Variants in TENM2 observed in about 807,000 individuals in gnomAD.
The protein encoded by TENM2 is teneurin-2.
A neutral mutation model predicts 245.2 loss-of-function variants in TENM2; 52 were observed. The observed-to-expected ratio is 0.21, with a 90% confidence interval of 0.17 to 0.27. The LOEUF (loss-of-function observed/expected upper bound fraction) is 0.27. Ranked by LOEUF, TENM2 falls within the 10% of genes least tolerant of loss-of-function variation. The pLI is 1.00. For synonymous variants in TENM2, 1,363 were observed against 1,438.9 expected (o/e 0.95, Z 1.19); for missense variants, 3,046 against 3,666.8 (o/e 0.83, Z 4.37).
At chr5:167,952,625 C>G (rs1360628359) in exon 4 of TENM2, 1 of 1,612,594 alleles carries the variant, frequency 6.2e-7, no homozygotes, top group South Asian at 1.1e-5. Context: ...CTCTGAGGCC[C>G]CCTCTCCCAC....
rs1364686894 is a variant in TENM2 at position 168,195,192 on chromosome 5, C to T, written c.2797C>T (p.Arg933Ter). ...CTTTCTCAGCTTGGTTTCTCTCATC[C>T]GAGGCCAAGTAGTAACTACAGATGG... is the stretch of plus-strand genomic sequence containing the variant. Residue 933 changes from arginine to a stop codon, truncating the protein, a stop_gained, in exon 15 of 29, where the codon CGA (arginine) becomes TGA (stop). Coordinates refer to ENST00000518659, the Ensembl canonical transcript of TENM2. LOFTEE classifies it high-confidence loss of function. 2.5e-6 allele frequency: 4 copies of T among 1,603,452 alleles called. No homozygotes were observed. The highest frequency in any genetic ancestry group is 1.7e-6 in the Non-Finnish European group (2 of 1,174,356).
rs70976411 is a variant in TENM2 at position 167,326,702 on chromosome 5, A to AATATAT, written c.226+41655_226+41660dup. On this transcript the variant is annotated intron_variant, in intron 1 of 28. Coordinates refer to ENST00000518659, the Ensembl canonical transcript of TENM2. ...ATAATAATAATTATAATAATAAATA[A>AATATAT]ATATATATATATATATATATAAAAT... Among the ~76,000 whole-genome samples the AATATAT allele has an allele frequency of 2.0e-3, 280 of 143,210 alleles. 2 individuals are homozygous for AATATAT. Among genetic ancestry groups the AATATAT allele is most frequent in the African/African-American group, 6.0e-3 (236 of 39,248 alleles). The allele number at this position is 143,210 out of a possible 152,430, so 94.0% of individuals were successfully genotyped here.
chr5:167,372,735 C>A (rs1760511783), intron 1 of TENM2, among the ~76,000 whole-genome samples: 1 of 152,178 alleles, frequency 6.6e-6, no homozygotes, highest in Non-Finnish European at 1.5e-5. Context: ...GGAACTTGCT[C>A]TCTAAGGACA....
rs865827807 is a variant in TENM2, at chr5:168,040,976, G to A, written c.1187-6451G>A. Among the ~76,000 whole-genome samples the A allele has an allele frequency of 7.2e-5, 11 of 152,244 alleles. No individual in the cohort carries two copies. The South Asian group carries it at 1.4e-3, about 20-fold the overall frequency. On this transcript the variant is annotated intron_variant, in intron 5 of 28. Coordinates refer to ENST00000518659, the Ensembl canonical transcript of TENM2. Reference sequence around the variant, plus strand: ...GACATATTCGTAGAGACTAATGGCTGCTTACAAAGGGAAGTGTGTATTCAT... The same window carrying A: ...GACATATTCGTAGAGACTAATGGCTACTTACAAAGGGAAGTGTGTATTCAT...
intron 1 of TENM2, among the ~76,000 whole-genome samples, chr5:167,374,315 TAA>T (rs1473860349): frequency 6.6e-6 from 1 of 152,316 alleles, no homozygotes; most frequent in Non-Finnish European, 1.5e-5. Context: ...AGCAGTAGGC[TAA>T]ACCTAAGCCT....
intron 3 of TENM2, among the ~76,000 whole-genome samples, chr5:167,891,335 G>A (rs1259648606): frequency 6.6e-6 from 1 of 152,118 alleles, no homozygotes; most frequent in African/African-American, 2.4e-5. Flanking sequence ...GAGTGCAGTG[G>A]TGCAACCTCC....
chr5:167,037,478 A>G, the TENM2 span, among the ~76,000 whole-genome samples: 1 of 152,182 alleles, frequency 6.6e-6, no homozygotes, highest in African/African-American at 2.4e-5. Context: ...CACTTGTTCA[A>G]ATATATCCAA....
chr5:167,855,558 G>A lies in TENM2; in HGVS notation c.503-20428G>A, dbSNP rs187503253. On this transcript the variant is annotated intron_variant, in intron 2 of 28. Transcript: ENST00000518659. ...CAGAATATAAGCTCCCAGAAGGAAA[G>A]GACTGTTTGCTTTTTACTTCATAAC... is the stretch of plus-strand genomic sequence containing the variant. 6.7e-3 allele frequency among the ~76,000 whole-genome samples: 1,025 copies of A among 151,918 alleles called. 15 individuals are homozygous for A. Among genetic ancestry groups the A allele is most frequent in the Non-Finnish European group, 9.0e-3 (609 of 67,990 alleles).
intron 23 of TENM2, among the ~76,000 whole-genome samples, chr5:168,219,839 A>AAAC (rs1488302058): frequency 2.0e-5 from 3 of 151,342 alleles, no homozygotes; most frequent in African/African-American, 4.9e-5. Flanking sequence ...AAAAAAAAAA[A>AAAC]AAAAAAAAAA....
At chr5:168,155,195 A>G (rs1044764952) in intron 12 of TENM2, among the ~76,000 whole-genome samples, 8 of 152,144 alleles carry the variant, frequency 5.3e-5, no homozygotes, top group African/African-American at 1.9e-4. Flanking sequence ...TTCAGTATAA[A>G]TGGCTACCTG....
At chr5:167,053,873 A>G in the TENM2 span, among the ~76,000 whole-genome samples, 2 of 152,104 alleles carry the variant, frequency 1.3e-5, no homozygotes, top group East Asian at 3.9e-4. Context: ...TTTTATTTTT[A>G]TTTAATTAAC....
chr5:167,239,522 G>A, the TENM2 span, among the ~76,000 whole-genome samples: 11 of 152,080 alleles, frequency 7.2e-5, no homozygotes, highest in South Asian at 2.1e-3. Context: ...TGAATTATAC[G>A]GTTGCCATAG....
chr5:167,860,428 GC>G (rs1303215717), intron 2 of TENM2, among the ~76,000 whole-genome samples: 2 of 110,158 alleles, frequency 1.8e-5, no homozygotes. Context: ...GGGGGGGTCA[GC>G]CCCCCTGCCC....
the TENM2 span, among the ~76,000 whole-genome samples, chr5:167,012,285 T>C: frequency 6.6e-6 from 1 of 152,210 alleles, no homozygotes; most frequent in Non-Finnish European, 1.5e-5. Context: ...AAGACATATT[T>C]ACCAAATGTC....
At chr5:167,792,579 G>A (rs939260292) in intron 2 of TENM2, among the ~76,000 whole-genome samples, 11 of 151,974 alleles carry the variant, frequency 7.2e-5, no homozygotes, top group Non-Finnish European at 1.5e-4. Context: ...ATAGCTCCTC[G>A]GGAGCCACAA....
intron 2 of TENM2, among the ~76,000 whole-genome samples, chr5:167,562,576 T>G (rs1169736288): frequency 1.3e-5 from 2 of 152,046 alleles, no homozygotes; most frequent in African/African-American, 4.8e-5. Context: ...GACTGTGCCT[T>G]TGTAAGATGG....
intron 2 of TENM2, among the ~76,000 whole-genome samples, chr5:167,841,207 C>A (rs60519985): frequency 6.6e-6 from 1 of 152,038 alleles, no homozygotes; most frequent in Admixed American, 6.6e-5. Context: ...CAGGCGCCCA[C>A]CACCATGCCC....
At chr5:167,645,326 G>A (rs1779858064) in intron 2 of TENM2, among the ~76,000 whole-genome samples, 1 of 152,160 alleles carries the variant, frequency 6.6e-6, no homozygotes, top group East Asian at 1.9e-4. Flanking sequence ...AGTGCAAATT[G>A]CTTGTTGGGA....
intron 1 of TENM2, among the ~76,000 whole-genome samples, chr5:167,366,653 A>G (rs1275171797): frequency 1.3e-5 from 2 of 152,170 alleles, no homozygotes; most frequent in African/African-American, 4.8e-5. Flanking sequence ...ACTGTTTTGT[A>G]GGGCTGCTTT....
Sources: allele counts gnomAD v4.1 joint callset (sites outside exome capture counted in the v4.1 genomes callset), GRCh38; gene constraint gnomAD v4.1.1; transcripts MANE v1.5; gene names NCBI Gene and HGNC (gene_info 2026-07-23, HGNC 2026-07-21).